Variants in SLC22A11 observed in about 807,000 individuals in gnomAD.
SLC22A11 encodes the protein organic anion transporter 4.
A neutral mutation model predicts 49.4 loss-of-function variants in SLC22A11; 42 were observed. That is an observed-to-expected ratio of 0.85 (90% confidence interval 0.66 to 1.10). The LOEUF is 1.10. Among genes scored for constraint, SLC22A11 ranks in the 50% least tolerant of loss-of-function variants. The pLI is 0.00. For missense variants in SLC22A11, 685 were observed against 731.6 expected (o/e 0.94, Z 0.74); for synonymous variants, 304 against 315.8 (o/e 0.96, Z 0.40).
At chr11:64,568,641 C>A in intron 7 of SLC22A11, 29 bp from the exon 8 acceptor site, 1 of 1,597,156 alleles carries the variant, frequency 6.3e-7, no homozygotes, top group East Asian at 2.2e-5. Context: ...CCAGGGCAAA[C>A]CCCACTCTCA....
chr11:64,567,663 T>G lies in SLC22A11; in HGVS notation c.1123T>G (p.Phe375Val). The change falls in exon 7 of 10, where the codon TTC (phenylalanine) becomes GTC (valine). Residue 375 changes from phenylalanine (F) to valine (V), a missense_variant. Phe to Val is a conservative substitution (Grantham distance 50). Transcript: ENST00000301891. ...FDLQSLGRDI[F>V]LLQALFGAVD... is the part of the protein sequence containing the mutation. The stretch of plus-strand genomic sequence containing the variant: ...CCTGCAGAGCCTGGGCCGTGACATC[T>G]TCCTCCTCCAGGCCCTCTTCGGGGC... The G allele has an allele frequency of 1.9e-6, 3 of 1,614,136 alleles. No individual in the cohort carries two copies. In the South Asian group the frequency reaches 3.3e-5, roughly 18 times the overall value.
rs574081418 is a variant in SLC22A11 at position 64,560,262 on chromosome 11, G to T, written c.497+1024G>T. ...CTGAGCCACCATCTCCTCTCACCAG[G>T]CAGGCTGCAACCCCTCGCAGGTGTC... On this transcript the variant is annotated intron_variant, in intron 2 of 9. Coordinates refer to ENST00000301891, the MANE Select transcript of SLC22A11 (RefSeq NM_018484.4). Among the ~76,000 whole-genome samples the T allele has an allele frequency of 9.2e-5, 14 of 152,042 alleles. No homozygotes were observed. In the South Asian group the frequency reaches 2.9e-3, roughly 32 times the overall value.
chr11:64,562,154 A>G lies in SLC22A11; in HGVS notation c.648A>G (p.Thr216=). The change falls in exon 3 of 10, where the codon ACA becomes ACG. Residue 216 remains threonine (T), a synonymous_variant. Coordinates refer to ENST00000301891, the MANE Select transcript of SLC22A11 (RefSeq NM_018484.4). The surrounding 1 kb of genome is among the most constrained non-coding windows in gnomAD (Gnocchi z 4.4). ...CCGGCATCTTTCTGAGTTCACTGAC[A>G]CTGAGTGAGTCCCCGGCTCAGCGCG... is the stretch of plus-strand genomic sequence containing the variant. ...GMAGIFLSSL[T]LMVEWTTTSR... is the part of the protein sequence containing the mutation. 2 of 1,613,482 alleles carry G rather than the reference A, an allele frequency of 1.2e-6. No homozygotes were observed. Among genetic ancestry groups the G allele is most frequent in the Non-Finnish European group, 1.7e-6 (2 of 1,179,890 alleles).
At chr11:64,561,135 C>G (rs1446801813) in intron 2 of SLC22A11, among the ~76,000 whole-genome samples, 1 of 152,240 alleles carries the variant, frequency 6.6e-6, no homozygotes, top group Admixed American at 6.5e-5. Flanking sequence ...GGTTCAGACT[C>G]AGCCGGCCTG....
rs1591374842 is a variant in SLC22A11 at position 64,564,269 on chromosome 11, C to T, written c.822-39C>T. On this transcript the variant is annotated intron_variant, in intron 4 of 9. Transcript: ENST00000301891. This position sits in a 1 kb window ranked among gnomAD's most constrained non-coding sequence, Gnocchi z 4.2. ...TTTCCACCCCGCCCCGGGGGAGAGC[C>T]CAGCGTGCACTCCCAGCTACACACC... is the stretch of plus-strand genomic sequence containing the variant. 6.2e-7 allele frequency: 1 copy of T among 1,612,172 alleles called. No homozygotes were observed.
chr11:64,555,985 G>A lies in SLC22A11; in HGVS notation c.-15G>A, dbSNP rs753092121. Reference sequence around the variant, plus strand: ...AGTTAGGTCAGCAGTCCGCTCAGCCGAGGCAGCTCTGTTCATGGCGTTCTC... The same window carrying A: ...AGTTAGGTCAGCAGTCCGCTCAGCCAAGGCAGCTCTGTTCATGGCGTTCTC... On this transcript the variant is annotated 5_prime_UTR_variant, in exon 1 of 10. Coordinates refer to ENST00000301891, the MANE Select transcript of SLC22A11 (RefSeq NM_018484.4). 11 of 1,587,360 alleles carry A rather than the reference G, an allele frequency of 6.9e-6. No homozygotes were observed. The highest frequency in any genetic ancestry group is 1.7e-5 in the Admixed American group (1 of 58,710).
In SLC22A11 at chr11:64,568,661, T is replaced by C; in HGVS notation, c.1274-9T>C. 6.2e-7 allele frequency: 1 copy of C among 1,613,256 alleles called. No individual in the cohort carries two copies. ...GCAAACCCCACTCTCACCCCCTTCCTGTACCCAGATTTGCAGACCCTGCGT... is the reference window on the plus strand; with the variant it reads ...GCAAACCCCACTCTCACCCCCTTCCCGTACCCAGATTTGCAGACCCTGCGT... On this transcript the variant is annotated splice_polypyrimidine_tract_variant and intron_variant, in intron 7 of 9. Coordinates refer to ENST00000301891, the MANE Select transcript of SLC22A11 (RefSeq NM_018484.4).
At chr11:64,558,086 C>A (rs1482737387) in intron 1 of SLC22A11, among the ~76,000 whole-genome samples, 4 of 152,136 alleles carry the variant, frequency 2.6e-5, no homozygotes, top group Non-Finnish European at 2.9e-5. Flanking sequence ...GCATGAACCA[C>A]CACGCTTGGT....
At position 64,564,386 on chromosome 11, in the gene SLC22A11, C is replaced by G. The variant is rs1049748064; in HGVS notation, c.900C>G (p.Ala300=). The G allele has an allele frequency of 6.2e-7, 1 of 1,613,978 alleles. No homozygotes were observed. Among genetic ancestry groups the G allele is most frequent in the African/African-American group, 1.3e-5 (1 of 74,894 alleles). The change falls in exon 5 of 10, where the codon GCC becomes GCG. Residue 300 remains alanine, a synonymous_variant. Coordinates refer to ENST00000301891, the MANE Select transcript of SLC22A11 (RefSeq NM_018484.4). The surrounding 1 kb of genome is among the most constrained non-coding windows in gnomAD (Gnocchi z 4.2). ...CACTTCAGGAGCTCAGAAAGGTGGC[C>G]AGGATAAATGGCCACAAGGAGGCCA... ...DQALQELRKV[A]RINGHKEAKN...
intron 4 of SLC22A11, among the ~76,000 whole-genome samples, chr11:64,563,423 C>T (rs755034004): frequency 7.9e-5 from 12 of 151,944 alleles, no homozygotes; most frequent in African/African-American, 2.7e-4. Context: ...TTCACCACTA[C>T]GTCAGACTGC....
chr11:64,563,621 A>AAAAAAAAAC (rs2038581669), intron 4 of SLC22A11, among the ~76,000 whole-genome samples: 1 of 147,650 alleles, frequency 6.8e-6, no homozygotes, highest in Non-Finnish European at 1.5e-5. Flanking sequence ...AAAAAAAAAA[A>AAAAAAAAAC]AAAAAAAAAA....
chr11:64,568,673 T>G lies in SLC22A11; in HGVS notation c.1277T>G (p.Leu426Trp), dbSNP rs781432075. 10 of 1,613,896 alleles carry G rather than the reference T, an allele frequency of 6.2e-6. No homozygotes were observed. In the Admixed American group the frequency reaches 1.7e-4, roughly 27 times the overall value. The change falls in exon 8 of 10, where the codon TTG becomes TGG. Residue 426 changes from leucine (L) to tryptophan (W), a missense_variant. By Grantham distance (61) the Leu-to-Trp change is moderately conservative (BLOSUM62 -2). Coordinates refer to ENST00000301891, the MANE Select transcript of SLC22A11 (RefSeq NM_018484.4). ...CTCACCCCCTTCCTGTACCCAGATT[T>G]GCAGACCCTGCGTGTGGTCTTTGCT... Reference protein sequence around the residue: ...ILANMLVPQDLQTLRVVFAVL... With the variant: ...ILANMLVPQDWQTLRVVFAVL...
At chr11:64,560,405 A>G (rs891318653) in intron 2 of SLC22A11, among the ~76,000 whole-genome samples, 3 of 152,060 alleles carry the variant, frequency 2.0e-5, no homozygotes, top group Non-Finnish European at 4.4e-5. Flanking sequence ...CACTGAGGAC[A>G]GTCCCTTCCT....
chr11:64,561,981 C>G, intron 2 of SLC22A11, 23 bp from the exon 3 acceptor site: 1 of 1,601,170 alleles, frequency 6.2e-7, no homozygotes. Flanking sequence ...CTCCAGGCCC[C>G]GTGTGCTTCT....
Position 64,556,011 on chromosome 11 carries a change from G to A in SLC22A11, c.12G>A (p.Ser4=), listed in dbSNP as rs745376759. The change falls in exon 1 of 10, where the codon TCG becomes TCA. Residue 4 remains serine (S), a synonymous_variant. Coordinates refer to ENST00000301891, the MANE Select transcript of SLC22A11 (RefSeq NM_018484.4). ...AGGCAGCTCTGTTCATGGCGTTCTC[G>A]AAGCTCTTGGAGCAAGCCGGAGGCG... MAF[S]KLLEQAGGVG... is the part of the protein sequence containing the mutation. 8 of 1,608,038 alleles carry A rather than the reference G, an allele frequency of 5.0e-6. No homozygotes were observed. The highest frequency in any genetic ancestry group is 4.5e-5 in the East Asian group (2 of 44,828).
At position 64,569,752 on chromosome 11, in the gene SLC22A11, C is replaced by T. The variant is rs2038679232; in HGVS notation, c.1483C>T (p.Leu495Phe). 1 of 1,614,092 alleles carries T rather than the reference C, an allele frequency of 6.2e-7. No homozygotes were observed. The highest frequency in any genetic ancestry group is 8.5e-7 in the Non-Finnish European group (1 of 1,180,052). The change falls in exon 9 of 10, where the codon CTC becomes TTC. Residue 495 changes from leucine to phenylalanine, a missense_variant. By Grantham distance (22) the Leu-to-Phe change is conservative. Coordinates refer to ENST00000301891, the MANE Select transcript of SLC22A11 (RefSeq NM_018484.4). Reference sequence around the variant, plus strand: ...CCAAGCCCTGCCCCTGCTGCCTCCTCTCCTCTATGGCGTTATCTCCATTGC... The same window carrying T: ...CCAAGCCCTGCCCCTGCTGCCTCCTTTCCTCTATGGCGTTATCTCCATTGC... ...SRQALPLLPP[L>F]LYGVISIASS...
chr11:64,561,865 C>A, intron 2 of SLC22A11, 139 bp from the exon 3 acceptor site: 1 of 969,640 alleles, frequency 1.0e-6, no homozygotes, highest in Non-Finnish European at 1.5e-6. Context: ...TGAGTGTACC[C>A]CTAAAAGTTC....
chr11:64,564,773 G>A lies in SLC22A11; in HGVS notation c.942+345G>A, dbSNP rs759182296. Among the ~76,000 whole-genome samples the A allele has an allele frequency of 4.6e-5, 7 of 151,856 alleles. No individual in the cohort carries two copies. Among genetic ancestry groups the A allele is most frequent in the South Asian group, 2.1e-4 (1 of 4,802 alleles). Reference sequence around the variant, plus strand: ...CACCTTCACCACCATCGTCACCATCGGTAACAGCACCATCATTATCAACAG... The same window carrying A: ...CACCTTCACCACCATCGTCACCATCAGTAACAGCACCATCATTATCAACAG... On this transcript the variant is annotated intron_variant, in intron 5 of 9. Coordinates refer to ENST00000301891, the MANE Select transcript of SLC22A11 (RefSeq NM_018484.4). The surrounding 1 kb of genome is among the most constrained non-coding windows in gnomAD (Gnocchi z 4.2).
Position 64,559,051 on chromosome 11 carries a change from A to T in SLC22A11, c.394-84A>T, listed in dbSNP as rs978977830. 3.4e-6 allele frequency: 4 copies of T among 1,167,622 alleles called. No individual in the cohort carries two copies. The Admixed American group carries it at 6.8e-5, about 20-fold the overall frequency. 72.3% of individuals were successfully genotyped at this position (1,167,622 alleles called of 1,614,324 possible). On this transcript the variant is annotated intron_variant, in intron 1 of 9. Transcript: ENST00000301891. The stretch of plus-strand genomic sequence containing the variant: ...CTGGCACTGGGAGTCCAGGGACCCC[A>T]GTGTGGGTCAGGCGTTCCTCGGCCG...
Sources: allele counts gnomAD v4.1 joint callset (sites outside exome capture counted in the v4.1 genomes callset), GRCh38; gene constraint gnomAD v4.1.1; non-coding constraint Gnocchi (gnomAD v3.1); transcripts MANE v1.5; gene names NCBI Gene and HGNC (gene_info 2026-07-23, HGNC 2026-07-21).